ACAD11: variants seen among roughly 807,000 people sequenced by gnomAD.
ACAD11 encodes acyl-CoA dehydrogenase family member 11.
A neutral mutation model predicts 102.2 loss-of-function variants in ACAD11; 83 were observed. That is an observed-to-expected ratio of 0.81 (90% CI 0.68 to 0.97). The LOEUF (loss-of-function observed/expected upper bound fraction) is 0.97. Among genes scored for constraint, ACAD11 ranks in the 50% least tolerant of loss-of-function variants. The pLI is 0.00. For synonymous variants in ACAD11, 324 were observed against 319.8 expected (o/e 1.01, Z -0.14); for missense variants, 901 against 951.7 (o/e 0.95, Z 0.70).
chr3:132,605,897 A>T (rs1252640655), intron 11 of ACAD11, among the ~76,000 whole-genome samples: 1 of 152,230 alleles, frequency 6.6e-6, no homozygotes, highest in East Asian at 1.9e-4. Flanking sequence ...CTAAAGACAG[A>T]ATCCCTGCCC....
chr3:132,567,169 G>A lies in ACAD11; in HGVS notation c.2002-5952C>T, dbSNP rs1209368277. Among the ~76,000 whole-genome samples, 3 of 152,206 alleles carry A rather than the reference G, an allele frequency of 2.0e-5. No homozygotes were observed. The East Asian group carries it at 5.8e-4, about 29-fold the overall frequency. On this transcript the variant is annotated intron_variant, in intron 17 of 19. Coordinates refer to ENST00000264990, the MANE Select transcript of ACAD11 (RefSeq NM_032169.5). ...AATTTTTGTATTTTTAGTAGAAACAGGGTTTCACCATGTTGGCCAGGCTGG... is the reference window on the plus strand; with the variant it reads ...AATTTTTGTATTTTTAGTAGAAACAAGGTTTCACCATGTTGGCCAGGCTGG...
chr3:132,605,244 A>T lies in ACAD11; in HGVS notation c.1415-39T>A, dbSNP rs745504627. 6 of 1,489,754 alleles carry T rather than the reference A, an allele frequency of 4.0e-6. No individual in the cohort carries two copies. The South Asian group carries it at 7.0e-5, about 17-fold the overall frequency. The allele number at this position is 1,489,754 out of a possible 1,614,324, so 92.3% of individuals were successfully genotyped here. On this transcript the variant is annotated intron_variant, in intron 11 of 19. Coordinates refer to ENST00000264990, the MANE Select transcript of ACAD11 (RefSeq NM_032169.5). ...AGGAGTATTTGTTTTGCATTTGAAA[A>T]TTTATCAGTATGAAATCCACAACTT... is the stretch of plus-strand genomic sequence containing the variant.
intron 9 of ACAD11, among the ~76,000 whole-genome samples, chr3:132,621,804 C>G (rs894898967): frequency 3.3e-5 from 5 of 151,618 alleles, no homozygotes; most frequent in African/African-American, 9.7e-5. Flanking sequence ...ATAATGAAAC[C>G]CTGTCTTTAC....
chr3:132,630,888 T>C (rs976106692), intron 6 of ACAD11, among the ~76,000 whole-genome samples: 2 of 152,078 alleles, frequency 1.3e-5, no homozygotes, highest in Non-Finnish European at 2.9e-5. Context: ...CTGGGTAACA[T>C]AGTGAGACAC....
At chr3:132,610,531 C>T (rs189733824) in intron 11 of ACAD11, among the ~76,000 whole-genome samples, 11 of 151,968 alleles carry the variant, frequency 7.2e-5, no homozygotes, top group African/African-American at 2.4e-4. Flanking sequence ...TAAAAAATGA[C>T]AAAGGGGATA....
intron 11 of ACAD11, among the ~76,000 whole-genome samples, chr3:132,613,224 T>A (rs1939242570): frequency 7.0e-6 from 1 of 142,504 alleles, no homozygotes; most frequent in Non-Finnish European, 1.5e-5. Context: ...TGGGGACTGT[T>A]GTGGGGTGGG....
intron 13 of ACAD11, among the ~76,000 whole-genome samples, chr3:132,598,655 G>A (rs1576575343): frequency 6.6e-6 from 1 of 152,190 alleles, no homozygotes; most frequent in Non-Finnish European, 1.5e-5. Context: ...CCCTTCCAGG[G>A]AAGGGCAGGA....
At chr3:132,612,071 C>T (rs574132405) in intron 11 of ACAD11, among the ~76,000 whole-genome samples, 2 of 152,038 alleles carry the variant, frequency 1.3e-5, no homozygotes, top group African/African-American at 4.8e-5. Flanking sequence ...AATAATGCCG[C>T]ATATCTACAA....
chr3:132,601,051 G>T lies in ACAD11; in HGVS notation c.1621+2178C>A, dbSNP rs765570716. 5 of 1,613,838 alleles carry T rather than the reference G, an allele frequency of 3.1e-6. No homozygotes were observed. In the African/African-American group the frequency reaches 6.7e-5, roughly 22 times the overall value. ...TAGTACCCTTTCTTATTATGGGGGT[G>T]TGCTACTTTATCACAGCAAGGACAC... On this transcript the variant is annotated intron_variant, in intron 13 of 19. Transcript: ENST00000264990.
At chr3:132,591,868 G>A (rs1324030762) in intron 13 of ACAD11, among the ~76,000 whole-genome samples, 3 of 152,104 alleles carry the variant, frequency 2.0e-5, no homozygotes, top group Non-Finnish European at 4.4e-5. Flanking sequence ...TTCTAGCCTA[G>A]GCAATAGAGT....
In ACAD11 at chr3:132,611,495, C is replaced by T. The variant is rs558478082; in HGVS notation, c.1415-6290G>A. 5.5e-4 allele frequency among the ~76,000 whole-genome samples: 84 copies of T among 152,294 alleles called. 1 individual carries two copies. The highest frequency in any genetic ancestry group is 1.9e-3 in the African/African-American group (78 of 41,568). ...AAACCCCATCGTCTCAGCCCAAAAT[C>T]TCCTTAAGCTGATAAGCCGCTTCAG... On this transcript the variant is annotated intron_variant, in intron 11 of 19. Coordinates refer to ENST00000264990, the MANE Select transcript of ACAD11 (RefSeq NM_032169.5).
chr3:132,618,336 G>GT, intron 11 of ACAD11: 1 of 328,592 alleles, frequency 3.0e-6, no homozygotes, highest in Non-Finnish European at 5.4e-6. Flanking sequence ...ATTCCAACTA[G>GT]TAATAGAAAT....
chr3:132,606,992 G>A (rs560916913), intron 11 of ACAD11, among the ~76,000 whole-genome samples: 1 of 152,310 alleles, frequency 6.6e-6, no homozygotes, highest in African/African-American at 2.4e-5. Context: ...GGCAAACAGG[G>A]TTGGGAGTGG....
chr3:132,575,671 G>C (rs72998134), intron 17 of ACAD11, 101 bp downstream of exon 17: 16 of 1,394,462 alleles, frequency 1.1e-5, no homozygotes, highest in Non-Finnish European at 1.5e-5. Flanking sequence ...AGAATCACCC[G>C]GTTCATGTAG....
intron 1 of ACAD11, among the ~76,000 whole-genome samples, chr3:132,657,003 C>T (rs1394962999): frequency 1.3e-5 from 2 of 151,978 alleles, no homozygotes; most frequent in African/African-American, 4.8e-5. Flanking sequence ...TCTGTCTTTT[C>T]ACTTTAAGTC....
At chr3:132,634,521 A>G (rs1940192957) in intron 5 of ACAD11, among the ~76,000 whole-genome samples, 1 of 152,042 alleles carries the variant, frequency 6.6e-6, no homozygotes, top group Non-Finnish European at 1.5e-5. Flanking sequence ...ATCTAGAACT[A>G]GAAATACCAT....
At chr3:132,574,609 C>T (rs1244652400) in intron 17 of ACAD11, among the ~76,000 whole-genome samples, 1 of 152,186 alleles carries the variant, frequency 6.6e-6, no homozygotes, top group Non-Finnish European at 1.5e-5. Flanking sequence ...AGGAGACCGA[C>T]ATACTAAAAT....
intron 4 of ACAD11, among the ~76,000 whole-genome samples, chr3:132,640,639 G>C (rs562428171): frequency 1.3e-5 from 2 of 152,048 alleles, no homozygotes; most frequent in East Asian, 3.9e-4. Context: ...ATATCAACCT[G>C]GGTTTAAATT....
chr3:132,645,434 TG>T (rs1940681083), intron 1 of ACAD11, among the ~76,000 whole-genome samples: 1 of 152,202 alleles, frequency 6.6e-6, no homozygotes, highest in Non-Finnish European at 1.5e-5. Context: ...AGTGCAATGC[TG>T]GCCCAACTAA....
Sources: allele counts gnomAD v4.1 joint callset (sites outside exome capture counted in the v4.1 genomes callset), GRCh38; gene constraint gnomAD v4.1.1; transcripts MANE v1.5; gene names NCBI Gene and HGNC (gene_info 2026-07-23, HGNC 2026-07-21).